HEG1: variants seen among roughly 807,000 people sequenced by gnomAD.
The protein encoded by HEG1 is protein HEG homolog 1.
HEG1 carries 56 observed loss-of-function variants against 125.6 expected under a neutral mutation model. The observed-to-expected ratio is 0.45, with a 90% CI of 0.36 to 0.56. HEG1 has a LOEUF of 0.56. Ranked by LOEUF, HEG1 falls within the 20% of genes least tolerant of loss-of-function variation. HEG1 has a pLI of 0.00. For missense variants in HEG1, 1,523 were observed against 1,670.0 expected, an observed-to-expected ratio of 0.91 and a Z score of 1.53; for synonymous variants, 644 against 668.5, an observed-to-expected ratio of 0.96 and a Z score of 0.57.
rs1051364367 is a variant in HEG1 at position 125,005,598 on chromosome 3, G to C, written c.3194-230C>G. Among the ~76,000 whole-genome samples the C allele has an allele frequency of 9.2e-5, 14 of 152,298 alleles. No homozygotes were observed. In the East Asian group the frequency reaches 2.3e-3, roughly 25 times the overall value. On this transcript the variant is annotated intron_variant, in intron 8 of 16. Coordinates refer to ENST00000311127, the MANE Select transcript of HEG1 (RefSeq NM_020733.2). ...TTAGATTGAGCAAACTTTTGAGAGA[G>C]AGAGAAACTCCAAAGAGCCTTTTTT... is the stretch of plus-strand genomic sequence containing the variant.
At chr3:125,039,060 T>C (rs921698406) in intron 1 of HEG1, among the ~76,000 whole-genome samples, 1 of 152,240 alleles carries the variant, frequency 6.6e-6, no homozygotes, top group East Asian at 1.9e-4. Context: ...AGGTATCTTT[T>C]GAGCTGAAAA....
chr3:124,974,855 C>T (rs932188735), intron 15 of HEG1, among the ~76,000 whole-genome samples: 1 of 152,182 alleles, frequency 6.6e-6, no homozygotes, highest in Admixed American at 6.5e-5. Flanking sequence ...AAGTTGGGAA[C>T]AGACCTGCCA....
intron 4 of HEG1, among the ~76,000 whole-genome samples, chr3:125,019,884 A>G (rs1378153439): frequency 6.6e-6 from 1 of 152,220 alleles, no homozygotes; most frequent in Non-Finnish European, 1.5e-5. Flanking sequence ...TCTCTTTCCC[A>G]TAAAAAGTGT....
intron 5 of HEG1, among the ~76,000 whole-genome samples, chr3:125,018,260 G>C (rs772268174): frequency 6.6e-6 from 1 of 152,178 alleles, no homozygotes; most frequent in African/African-American, 2.4e-5. Flanking sequence ...GACACTAAGG[G>C]AAAGACACAA....
At chr3:124,989,898 C>A (rs1456300907) in intron 14 of HEG1, among the ~76,000 whole-genome samples, 1 of 152,168 alleles carries the variant, frequency 6.6e-6, no homozygotes, top group African/African-American at 2.4e-5. Flanking sequence ...GCCTGGTGAT[C>A]CCAACCCCAA....
chr3:125,018,354 C>T (rs892516542), intron 5 of HEG1, among the ~76,000 whole-genome samples: 1 of 151,962 alleles, frequency 6.6e-6, no homozygotes, highest in East Asian at 1.9e-4. Flanking sequence ...GGAGTGATTG[C>T]CAGGGGCTGG....
chr3:125,021,238 T>C (rs1258732223), intron 3 of HEG1, 108 bp from the exon 4 acceptor site: 2 of 790,806 alleles, frequency 2.5e-6, no homozygotes, highest in Non-Finnish European at 4.0e-6. Flanking sequence ...TACATCTAAA[T>C]ACCATGGACC....
In HEG1 at chr3:124,966,705, T is replaced by C. The variant is rs2107683311; in HGVS notation, c.*3947A>G. ...CTGTAGTCTCAAAATTTGTGTATTTTAGAACTATGGGTCAAAACCCTGTGT... is the reference window on the plus strand; with the variant it reads ...CTGTAGTCTCAAAATTTGTGTATTTCAGAACTATGGGTCAAAACCCTGTGT... On this transcript the variant is annotated 3_prime_UTR_variant, in exon 17 of 17. Coordinates refer to ENST00000311127, the MANE Select transcript of HEG1 (RefSeq NM_020733.2). 1 of 152,364 alleles carries C rather than the reference T, an allele frequency of 6.6e-6. No homozygotes were observed. The highest frequency in any genetic ancestry group is 6.5e-5 in the Admixed American group (1 of 15,310). 9.4% of individuals were successfully genotyped at this position (152,364 alleles called of 1,614,324 possible).
At chr3:124,978,948 T>G (rs1361836156) in intron 14 of HEG1, among the ~76,000 whole-genome samples, 1 of 150,260 alleles carries the variant, frequency 6.7e-6, no homozygotes, top group Non-Finnish European at 1.5e-5. Flanking sequence ...AAAATTCTTT[T>G]TTTTTTTCTT....
chr3:124,981,181 C>T (rs1936644708), intron 14 of HEG1, among the ~76,000 whole-genome samples: 1 of 151,356 alleles, frequency 6.6e-6, no homozygotes, highest in Non-Finnish European at 1.5e-5. Flanking sequence ...CGCATGTGCT[C>T]CTCCCCTCAT....
At chr3:125,054,305 C>T (rs1937878798) in intron 1 of HEG1, among the ~76,000 whole-genome samples, 1 of 152,170 alleles carries the variant, frequency 6.6e-6, no homozygotes. Flanking sequence ...CTTACTGTTC[C>T]TCGGTTTCTC....
rs1193681231 is a variant in HEG1, at chr3:125,013,915, G to A, written c.1664C>T (p.Thr555Ile). 3 of 1,613,804 alleles carry A rather than the reference G, an allele frequency of 1.9e-6. No homozygotes were observed. Among genetic ancestry groups the A allele is most frequent in the Non-Finnish European group, 2.5e-6 (3 of 1,179,812 alleles). ...TTTGGTGAAAGTAGATGACAGGTAG[G>A]TGTGGTCTGTGTGGTCGCTGGAAGT... The part of the protein sequence containing the change: ...QRTSSDHTDH[T>I]YLSSTFTKGE... Residue 555 changes from threonine to isoleucine, a missense_variant, in exon 6 of 17, where the codon ACC (threonine) becomes ATC (isoleucine). Coordinates refer to ENST00000311127, the MANE Select transcript of HEG1 (RefSeq NM_020733.2).
Position 125,019,441 on chromosome 3 carries a change from G to C in HEG1, c.1409C>G (p.Thr470Arg), listed in dbSNP as rs200164121. The C allele has an allele frequency of 2.4e-4, 383 of 1,614,022 alleles. 3 individuals are homozygous for C. The East Asian group carries it at 4.2e-3, about 18-fold the overall frequency. ...TTCAGGATATGAAGCAGAGCTTCCT[G>C]TCACATCTGCAGATGTTGTGCTGTT... Reference protein sequence around the residue: ...LTNSTTSADVTGSSASYPEGV... With the variant: ...LTNSTTSADVRGSSASYPEGV... The change falls in exon 5 of 17, where the codon ACA (threonine) becomes AGA (arginine). Residue 470 changes from threonine (T) to arginine (R), a missense_variant. By Grantham distance (71) the Thr-to-Arg change is moderately conservative (BLOSUM62 -1). Transcript: ENST00000311127.
At chr3:125,029,093 AG>A in intron 2 of HEG1, 101 bp downstream of exon 2, 1 of 1,314,398 alleles carries the variant, frequency 7.6e-7, no homozygotes. Context: ...GAACCTTGGA[AG>A]GGCACAATGG....
At position 125,009,216 on chromosome 3, in the gene HEG1, A is replaced by C. The variant is rs74628926; in HGVS notation, c.3193+489T>G. The stretch of plus-strand genomic sequence containing the variant: ...GAGCAAGAGCATGAAGGTCATTTTT[A>C]AAAACTGAAAGAATGTGTGAATGTG... On this transcript the variant is annotated intron_variant, in intron 8 of 16. Transcript: ENST00000311127. Among the ~76,000 whole-genome samples the C allele has an allele frequency of 2.9e-3, 449 of 152,296 alleles. 1 individual carries two copies. The highest frequency in any genetic ancestry group is 0.01 in the African/African-American group (429 of 41,530).
intron 3 of HEG1, among the ~76,000 whole-genome samples, chr3:125,023,562 A>C (rs1937368630): frequency 1.3e-5 from 2 of 152,232 alleles, no homozygotes; most frequent in South Asian, 4.1e-4. Context: ...GTGTGTGAAT[A>C]CTTTGGCAGA....
At chr3:124,976,683 G>C (rs1473467010) in intron 15 of HEG1, among the ~76,000 whole-genome samples, 1 of 152,074 alleles carries the variant, frequency 6.6e-6, no homozygotes, top group Admixed American at 6.6e-5. Context: ...GCTGGGGGAT[G>C]GGGCCTACAG....
intron 1 of HEG1, among the ~76,000 whole-genome samples, chr3:125,031,763 T>C (rs903965274): frequency 1.3e-5 from 2 of 148,702 alleles, no homozygotes; most frequent in Non-Finnish European, 3.0e-5. Context: ...CATGCACACA[T>C]ACACATATAC....
rs1177191165 is a variant in HEG1, at chr3:125,055,817, G to T, written c.74C>A (p.Pro25Gln). 2.0e-6 allele frequency: 2 copies of T among 979,556 alleles called. No individual in the cohort carries two copies. Among genetic ancestry groups the T allele is most frequent in the Non-Finnish European group, 2.4e-6 (2 of 826,330 alleles). The allele number at this position is 979,556 out of a possible 1,614,324, so 60.7% of individuals were successfully genotyped here. ...LLLLPLLLLPPAAPGTRDPPP... is the reference protein window; with the variant it reads ...LLLLPLLLLPQAAPGTRDPPP... ...CGGGTCCCGCGTCCCGGGGGCCGCCGGCGGCAGCAGCAGCAGCGGCAGCAA... is the reference window on the plus strand; with the variant it reads ...CGGGTCCCGCGTCCCGGGGGCCGCCTGCGGCAGCAGCAGCAGCGGCAGCAA... The change falls in exon 1 of 17, where the codon CCG becomes CAG. Residue 25 changes from proline to glutamine, a missense_variant. Transcript: ENST00000311127.
Sources: allele counts gnomAD v4.1 joint callset (sites outside exome capture counted in the v4.1 genomes callset), GRCh38; gene constraint gnomAD v4.1.1; transcripts MANE v1.5; gene names NCBI Gene and HGNC (gene_info 2026-07-23, HGNC 2026-07-21).